GPRC5D: variants seen among roughly 807,000 people sequenced by gnomAD.
The protein encoded by GPRC5D is G protein-coupled receptor family C group 5 member D.
In GPRC5D, 20 loss-of-function variants were observed where a neutral mutation model predicts 29.3. That is an observed-to-expected ratio of 0.68 (90% CI 0.48 to 0.99). The LOEUF is 0.99. Ranked by LOEUF, GPRC5D falls within the 50% of genes least tolerant of loss-of-function variation. The pLI is 0.00. For missense variants in GPRC5D, 384 were observed against 423.6 expected (o/e 0.91, Z 0.82); for synonymous variants, 178 against 171.3 (o/e 1.04, Z -0.30).
exon 1 of GPRC5D, chr12:12,949,876 A>G: frequency 1.2e-6 from 2 of 1,614,182 alleles, no homozygotes; most frequent in Non-Finnish European, 1.7e-6. Flanking sequence ...GAGTACAACA[A>G]AGTCCACATT....
chr12:12,949,661 C>T lies in GPRC5D; in HGVS notation c.724G>A (p.Val242Ile), dbSNP rs370153735. The change falls in exon 1 of 3, where the codon GTC becomes ATC. Residue 242 changes from valine (V) to isoleucine (I), a missense_variant. Coordinates refer to ENST00000228887, the Ensembl canonical transcript of GPRC5D. ...GCGTTGGTGACCAGAGCAATGCAGACGACCGGGTCGTCCCACTGGGGCTGT... is the reference window on the plus strand; with the variant it reads ...GCGTTGGTGACCAGAGCAATGCAGATGACCGGGTCGTCCCACTGGGGCTGT... 136 of 1,614,036 alleles carry T rather than the reference C, an allele frequency of 8.4e-5. 1 individual carries two copies. The Middle Eastern group carries it at 9.9e-4, about 12-fold the overall frequency.
At chr12:12,944,928 C>A (rs1194100837) in intron 1 of GPRC5D, among the ~76,000 whole-genome samples, 1 of 54,106 alleles carries the variant, frequency 1.8e-5, no homozygotes, top group African/African-American at 3.9e-5. Flanking sequence ...TCCCTTTCTT[C>A]CTTTTCTTCC....
intron 1 of GPRC5D, among the ~76,000 whole-genome samples, chr12:12,945,230 C>G (rs920267304): frequency 6.6e-6 from 1 of 152,036 alleles, no homozygotes; most frequent in Non-Finnish European, 1.5e-5. Context: ...ATCTTGAACT[C>G]CTGACCTCAG....
In GPRC5D at chr12:12,942,036, T is replaced by C. The variant is rs923210778; in HGVS notation, c.963+225A>G. Reference sequence around the variant, plus strand: ...CACGCACTTGCATCAGAATGCTATATTGTTGATGGCGATGAAGACTGGGAG... The same window carrying C: ...CACGCACTTGCATCAGAATGCTATACTGTTGATGGCGATGAAGACTGGGAG... On this transcript the variant is annotated intron_variant, in intron 2 of 2. Transcript: ENST00000228887. Among the ~76,000 whole-genome samples the C allele has an allele frequency of 5.9e-5, 9 of 152,304 alleles. No homozygotes were observed. In the South Asian group the frequency reaches 1.4e-3, roughly 25 times the overall value.
chr12:12,944,850 C>CTTCCTTCTTTCTTTCT (rs1565477444), intron 1 of GPRC5D, among the ~76,000 whole-genome samples: 9 of 34,468 alleles, frequency 2.6e-4, no homozygotes, highest in African/African-American at 6.0e-4. Context: ...TCCTTCCTTC[C>CTTCCTTCTTTCTTTCT]TTCTTTCTTT....
At chr12:12,946,166 G>C (rs1277552017) in intron 1 of GPRC5D, among the ~76,000 whole-genome samples, 1 of 152,014 alleles carries the variant, frequency 6.6e-6, no homozygotes, top group Non-Finnish European at 1.5e-5. Flanking sequence ...ATGCCTTTGC[G>C]TCCATTTCCA....
chr12:12,950,758 G>C (rs1490828329), upstream of GPRC5D, among the ~76,000 whole-genome samples: 1 of 151,998 alleles, frequency 6.6e-6, no homozygotes, highest in African/African-American at 2.4e-5. Flanking sequence ...ATTGAGCCGA[G>C]ATTGCCCCAC....
At chr12:12,944,821 CCTTCCT>C (rs1565477089) in intron 1 of GPRC5D, among the ~76,000 whole-genome samples, 156 of 13,316 alleles carry the variant, frequency 0.012, 8 homozygotes, top group South Asian at 0.037. Flanking sequence ...TTCCTTCCTT[CCTTCCT>C]TCCTTCCTTC....
At chr12:12,951,996 A>C (rs1010499259), upstream of GPRC5D, 3 of 152,070 alleles carry the variant, frequency 2.0e-5, no homozygotes, top group South Asian at 2.1e-4. Context: ...AAAAAAAATC[A>C]ATTGCAATTG....
In GPRC5D at chr12:12,942,247, G is replaced by A. The variant is rs1863171462; in HGVS notation, c.963+14C>T. Reference sequence around the variant, plus strand: ...CTAAGTCCCTCCTGGGTGAATATAGGCGAGTACATTTACCTGCGGCTGAAT... The same window carrying A: ...CTAAGTCCCTCCTGGGTGAATATAGACGAGTACATTTACCTGCGGCTGAAT... On this transcript the variant is annotated intron_variant, in intron 2 of 2. Coordinates refer to ENST00000228887, the Ensembl canonical transcript of GPRC5D. The A allele has an allele frequency of 6.5e-7, 1 of 1,547,002 alleles. No individual in the cohort carries two copies. The highest frequency in any genetic ancestry group is 1.1e-5 in the South Asian group (1 of 89,660).
At chr12:12,946,580 G>A (rs1260408964) in intron 1 of GPRC5D, among the ~76,000 whole-genome samples, 2 of 151,364 alleles carry the variant, frequency 1.3e-5, no homozygotes, top group African/African-American at 2.4e-5. Context: ...TCAGCCTCCC[G>A]AGTAGCTAGG....
In GPRC5D at chr12:12,949,475, C is replaced by T; in HGVS notation, c.895+15G>A. 2 of 1,592,766 alleles carry T rather than the reference C, an allele frequency of 1.3e-6. No homozygotes were observed. Among genetic ancestry groups the T allele is most frequent in the Non-Finnish European group, 1.7e-6 (2 of 1,166,526 alleles). ...AGGAGCACCTCCCTGCTCCCTGAAT[C>T]CCCCAGGAATGTACCTCTGGAGAGC... On this transcript the variant is annotated intron_variant, in intron 1 of 2. Transcript: ENST00000228887.
chr12:12,949,006 C>T (rs1171186407), intron 1 of GPRC5D, among the ~76,000 whole-genome samples: 3 of 152,106 alleles, frequency 2.0e-5, no homozygotes, highest in Admixed American at 1.3e-4. Flanking sequence ...GGTGGTGAGT[C>T]CTGTGAATCA....
upstream of GPRC5D, chr12:12,950,394 T>C (rs759882887): frequency 1.3e-5 from 21 of 1,586,186 alleles, no homozygotes; most frequent in East Asian, 4.3e-4. Context: ...TGGTGACTTA[T>C]GGGTGTGGAC....
intron 1 of GPRC5D, among the ~76,000 whole-genome samples, chr12:12,946,357 CTTTCTTTCT>C (rs1269077137): frequency 4.8e-5 from 7 of 145,676 alleles, no homozygotes; most frequent in South Asian, 2.2e-4. Flanking sequence ...TTCTTTCTTT[CTTTCTTTCT>C]TTTCTTTCTT....
At chr12:12,942,157 C>T (rs1863168263) in intron 2 of GPRC5D, 104 bp downstream of exon 3, 2 of 794,478 alleles carry the variant, frequency 2.5e-6, no homozygotes, top group East Asian at 4.9e-5. Context: ...CTCTGTCTCT[C>T]CTCTCTCAGG....
downstream of GPRC5D, chr12:12,940,689 G>A (rs774226279): frequency 7.0e-5 from 54 of 767,164 alleles, no homozygotes; most frequent in African/African-American, 3.1e-4. Flanking sequence ...CATTGGCAGC[G>A]TGACTCTGTG....
chr12:12,952,004 T>C (rs1360781241), upstream of GPRC5D: 1 of 152,016 alleles, frequency 6.6e-6, no homozygotes, highest in East Asian at 1.9e-4. Context: ...TCAATTGCAA[T>C]TGAATACCCC....
chr12:12,947,606 C>T (rs1164618095), intron 1 of GPRC5D, among the ~76,000 whole-genome samples: 2 of 149,434 alleles, frequency 1.3e-5, no homozygotes, highest in African/African-American at 4.9e-5. Context: ...GTTCTGTCAC[C>T]CAGGCTGGAG....
Sources: allele counts gnomAD v4.1 joint callset (sites outside exome capture counted in the v4.1 genomes callset), GRCh38; gene constraint gnomAD v4.1.1; transcripts MANE v1.5; gene names NCBI Gene and HGNC (gene_info 2026-07-23, HGNC 2026-07-21).